Variants in ASH1L observed in about 807,000 individuals in gnomAD.
The protein encoded by ASH1L is histone-lysine N-methyltransferase ASH1L.
ASH1L carries 23 observed loss-of-function variants against 269.0 expected under a neutral mutation model. That is an observed-to-expected ratio of 0.09 (90% CI 0.06 to 0.12). The LOEUF (loss-of-function observed/expected upper bound fraction) is 0.12, where lower values mean the gene tolerates loss of function less well. ASH1L is among the 10% of genes least tolerant of loss of function. The pLI, the probability that ASH1L is intolerant of heterozygous loss-of-function variation, is 1.00. For synonymous variants in ASH1L, 1,187 were observed against 1,253.5 expected, an observed-to-expected ratio of 0.95 and a Z score of 1.12; for missense variants, 2,912 against 3,567.8, an observed-to-expected ratio of 0.82 and a Z score of 4.68.
chr1:155,376,133 A>G (rs1656418037), intron 10 of ASH1L, among the ~76,000 whole-genome samples: 1 of 152,130 alleles, frequency 6.6e-6, no homozygotes, highest in Non-Finnish European at 1.5e-5. Flanking sequence ...GAGCTTGTGG[A>G]CCACACTGTT....
At chr1:155,556,338 G>A (rs2148922625) in intron 1 of ASH1L, among the ~76,000 whole-genome samples, 1 of 152,076 alleles carries the variant, frequency 6.6e-6, no homozygotes, top group Admixed American at 6.6e-5. Flanking sequence ...TTCAAGTTCA[G>A]TCTGGGCAAC....
intron 17 of ASH1L, among the ~76,000 whole-genome samples, chr1:155,350,047 G>A (rs1367256163): frequency 6.6e-6 from 1 of 151,890 alleles, no homozygotes; most frequent in Non-Finnish European, 1.5e-5. Context: ...CCGCCACCAT[G>A]CCCGGCTAAT....
intron 10 of ASH1L, among the ~76,000 whole-genome samples, chr1:155,377,906 C>A: frequency 6.6e-6 from 1 of 151,934 alleles, no homozygotes; most frequent in East Asian, 1.9e-4. Flanking sequence ...GCCTGCAGTG[C>A]TGGCTACCAG....
Position 155,343,331 on chromosome 1 carries a change from A to G in ASH1L, c.8276T>C (p.Leu2759Pro). 1 of 1,613,494 alleles carries G rather than the reference A, an allele frequency of 6.2e-7. No individual in the cohort carries two copies. Among genetic ancestry groups the G allele is most frequent in the Non-Finnish European group, 8.5e-7 (1 of 1,179,722 alleles). ...AVVGTCCVLD[L>P]YTYCKGRPKG... ...TCACTTACCTTTACAATACGTATAAAGGTCCAACACACAGCAGGTCCCCAC... is the reference window on the plus strand; with the variant it reads ...TCACTTACCTTTACAATACGTATAAGGGTCCAACACACAGCAGGTCCCCAC... Residue 2759 changes from leucine (L) to proline (P), a missense_variant, in exon 24 of 28, where the codon CTT becomes CCT. Transcript: ENST00000392403. The surrounding 1 kb of genome is among the most constrained non-coding windows in gnomAD (Gnocchi z 6.1).
intron 2 of ASH1L, among the ~76,000 whole-genome samples, chr1:155,495,736 G>A (rs1334203215): frequency 6.6e-6 from 1 of 152,096 alleles, no homozygotes; most frequent in African/African-American, 2.4e-5. Context: ...GCAGCTCAAC[G>A]CCTGTAATCC....
chr1:155,534,598 G>T (rs1355576855), intron 1 of ASH1L, among the ~76,000 whole-genome samples: 1 of 151,968 alleles, frequency 6.6e-6, no homozygotes, highest in Admixed American at 6.6e-5. Context: ...TATTCTAGAA[G>T]TATGCCAGGA....
Position 155,352,738 on chromosome 1 carries a change from T to C in ASH1L, c.7334A>G (p.Lys2445Arg), listed in dbSNP as rs763243477. The part of the protein sequence containing the change: ...ARAARLAQIF[K>R]EICDGIISYK... ...AGAGATGATACCATCACAAATTTCT[T>C]TGAAGATCTGGGCTAGGCGGGCTGC... Residue 2445 changes from lysine to arginine, a missense_variant, in exon 17 of 28, where the codon AAA (lysine) becomes AGA (arginine). This residue lies in a region of ASH1L where 309 missense variants were observed against 435.1 expected (regional missense o/e 0.71). Transcript: ENST00000392403. 3.1e-6 allele frequency: 5 copies of C among 1,611,332 alleles called. No individual in the cohort carries two copies. Among genetic ancestry groups the C allele is most frequent in the African/African-American group, 2.7e-5 (2 of 74,728 alleles).
Position 155,480,854 on chromosome 1 carries a change from G to C in ASH1L, c.2016C>G (p.Phe672Leu). 6.2e-7 allele frequency: 1 copy of C among 1,613,774 alleles called. No homozygotes were observed. The highest frequency in any genetic ancestry group is 8.5e-7 in the Non-Finnish European group (1 of 1,179,912). ...AAGGCTTATTACTAAATAAACTAGT[G>C]AAGTTAACAACTGAAGGAGTAATAG... ...IHTITPSVVN[F>L]TSLFSNKPFL... The change falls in exon 3 of 28, where the codon TTC becomes TTG. Residue 672 changes from phenylalanine to leucine, a missense_variant. By Grantham distance (22) the Phe-to-Leu change is conservative. Transcript: ENST00000392403.
rs568453391 is a variant in ASH1L, at chr1:155,423,250, T to C, written c.5829-7327A>G. 3.4e-5 allele frequency among the ~76,000 whole-genome samples: 5 copies of C among 145,260 alleles called. No homozygotes were observed. In the South Asian group the frequency reaches 1.2e-3, roughly 36 times the overall value. ...AGGCGTGAGCCACCACGCCTGGACA[T>C]GTATGCTTTTTTAAGGCAATCCTGC... On this transcript the variant is annotated intron_variant, in intron 5 of 27. Transcript: ENST00000392403.
chr1:155,382,687 G>A (rs1456413791), intron 7 of ASH1L, among the ~76,000 whole-genome samples: 1 of 151,460 alleles, frequency 6.6e-6, no homozygotes, highest in Non-Finnish European at 1.5e-5. Flanking sequence ...TGATGATCTT[G>A]CCCCTGAGTG....
At chr1:155,387,836 T>C (rs895128337) in intron 7 of ASH1L, among the ~76,000 whole-genome samples, 1 of 152,216 alleles carries the variant, frequency 6.6e-6, no homozygotes, top group African/African-American at 2.4e-5. Context: ...GTTCTCCTTA[T>C]AGAGATCCTT....
At chr1:155,371,472 T>C (rs1655934812) in intron 10 of ASH1L, among the ~76,000 whole-genome samples, 1 of 152,100 alleles carries the variant, frequency 6.6e-6, no homozygotes, top group Non-Finnish European at 1.5e-5. Context: ...CCCTTGAACC[T>C]GTGAGGTGGA....
At chr1:155,547,937 C>G (rs1040962481) in intron 1 of ASH1L, among the ~76,000 whole-genome samples, 1 of 152,150 alleles carries the variant, frequency 6.6e-6, no homozygotes, top group Non-Finnish European at 1.5e-5. Context: ...GATCGCACTA[C>G]TGCACTCCAG....
chr1:155,476,048 T>C (rs999325757), intron 3 of ASH1L, among the ~76,000 whole-genome samples: 5 of 152,224 alleles, frequency 3.3e-5, no homozygotes, highest in African/African-American at 7.2e-5. Flanking sequence ...TTAAATAAAC[T>C]ATTTGTTGAA....
At chr1:155,338,521 G>A in intron 26 of ASH1L, 131 bp from the exon 27 acceptor site, 1 of 687,306 alleles carries the variant, frequency 1.5e-6, no homozygotes, top group East Asian at 2.7e-5. Context: ...TAAGAAACTT[G>A]ACTCTCGTTT....
At chr1:155,554,536 T>C (rs1252194543) in intron 1 of ASH1L, among the ~76,000 whole-genome samples, 2 of 152,142 alleles carry the variant, frequency 1.3e-5, no homozygotes, top group African/African-American at 2.4e-5. Flanking sequence ...CCTCCCAAAG[T>C]GCTGGGATTA....
At chr1:155,541,348 T>C (rs1489404211) in intron 1 of ASH1L, among the ~76,000 whole-genome samples, 2 of 152,040 alleles carry the variant, frequency 1.3e-5, no homozygotes, top group Non-Finnish European at 2.9e-5. Context: ...ATATAAATTT[T>C]TCAGTTTCTA....
rs1672074772 is a variant in ASH1L at position 155,562,440 on chromosome 1, G to GGCGGCA, written c.-393_-388dup. Reference sequence around the variant, plus strand: ...TGGCGGCGGGAGCGGCGGCGGCGGCGGCGGCAGCAGCAGAGTGGCGGCGGT... The same window carrying GGCGGCA: ...TGGCGGCGGGAGCGGCGGCGGCGGCGGCGGCAGCGGCAGCAGCAGAGTGGCGGCGGT... On this transcript the variant is annotated 5_prime_UTR_variant, in exon 1 of 28. Coordinates refer to ENST00000392403, the MANE Select transcript of ASH1L (RefSeq NM_018489.3). The GGCGGCA allele has an allele frequency of 6.8e-6, 10 of 1,468,288 alleles. No homozygotes were observed. The highest frequency in any genetic ancestry group is 1.4e-5 in the African/African-American group (1 of 71,536). The allele number at this position is 1,468,288 out of a possible 1,614,324, so 91.0% of individuals were successfully genotyped here. A position where few individuals can be genotyped will look rare whatever the true frequency, so the allele number is the denominator to read the frequency against.
chr1:155,339,897 A>G (rs1652626612), intron 25 of ASH1L, among the ~76,000 whole-genome samples: 1 of 152,182 alleles, frequency 6.6e-6, no homozygotes, highest in Non-Finnish European at 1.5e-5. Context: ...TACGACAGCT[A>G]TGACATCACT....
Sources: allele counts gnomAD v4.1 joint callset (sites outside exome capture counted in the v4.1 genomes callset), GRCh38; gene constraint gnomAD v4.1.1; regional missense constraint gnomAD v4.1.1; non-coding constraint Gnocchi (gnomAD v3.1); transcripts MANE v1.5; gene names NCBI Gene and HGNC (gene_info 2026-07-23, HGNC 2026-07-21).